Variants in ZNF888 observed in about 807,000 individuals in gnomAD.
The protein encoded by ZNF888 is zinc finger protein 888.
Under a neutral mutation model 7.2 loss-of-function variants are expected in ZNF888, and 5 were observed. The observed-to-expected ratio is 0.70, with a 90% CI of 0.36 to 1.46. The LOEUF (loss-of-function observed/expected upper bound fraction) is 1.46. Among genes scored for constraint, ZNF888 ranks in the 40% most tolerant of loss-of-function variants. ZNF888 has a pLI of 0.03. For missense variants in ZNF888, 716 were observed against 858.0 expected (o/e 0.83, Z 2.07); for synonymous variants, 240 against 284.3 (o/e 0.84, Z 1.57).
At chr19:52,912,259 A>G (rs867127542) in intron 4 of ZNF888, among the ~76,000 whole-genome samples, 1,890 of 146,334 alleles carry the variant, frequency 0.013, 53 homozygotes, top group African/African-American at 0.047. Context: ...GACTACAGGC[A>G]CCTGCCACCG....
intron 4 of ZNF888, 130 bp from the exon 5 acceptor site, chr19:52,908,309 C>T: frequency 2.3e-6 from 2 of 881,306 alleles, no homozygotes; most frequent in South Asian, 1.6e-5. Flanking sequence ...AGTTCAGGAA[C>T]ACAAAAGGAG....
In ZNF888 at chr19:52,917,865, A is replaced by T. The variant is rs1357999960; in HGVS notation, c.9T>A (p.Leu3=). Residue 3 remains leucine, a synonymous_variant, in exon 3 of 5, where the codon CTT becomes CTA. Coordinates refer to ENST00000638862, the MANE Select transcript of ZNF888 (RefSeq NM_001393938.1). ...ACAGAGAATATCATCTCACCTGAGG[A>T]AGAGCCATCCCTGACTCCTTTGCTT... MA[L]PQGLLTFRDV... 3.1e-6 allele frequency: 5 copies of T among 1,613,318 alleles called. No individual in the cohort carries two copies. Among genetic ancestry groups the T allele is most frequent in the Non-Finnish European group, 4.2e-6 (5 of 1,179,994 alleles).
Position 52,907,606 on chromosome 19 carries a change from T to C in ZNF888, c.716A>G (p.Glu239Gly), listed in dbSNP as rs1008133874. 6.2e-6 allele frequency: 10 copies of C among 1,603,530 alleles called. No individual in the cohort carries two copies. The highest frequency in any genetic ancestry group is 8.5e-6 in the Non-Finnish European group (10 of 1,176,108). Residue 239 changes from glutamate to glycine, a missense_variant, in exon 5 of 5, where the codon GAG (glutamate) becomes GGG (glycine). Physicochemically the swap from Glu to Gly is moderately conservative, Grantham distance 98. Around this residue, in one of 2 missense-constraint regions of ZNF888, gnomAD observed 697 missense variants for 803.4 expected, o/e 0.87. Coordinates refer to ENST00000638862, the MANE Select transcript of ZNF888 (RefSeq NM_001393938.1). ...ACATACATCACATTTATATTGTTTC[T>C]CTCCTAGATGAATTATCTGATGTTT... ...FKKHQIIHLG[E>G]KQYKCDVCGK... is the part of the protein sequence containing the mutation.
intron 1 of ZNF888, among the ~76,000 whole-genome samples, chr19:52,921,506 CT>C (rs777643589): frequency 1.1e-4 from 17 of 152,214 alleles, no homozygotes; most frequent in Admixed American, 7.2e-4. Context: ...AAGGGTTGGT[CT>C]TTATCACCCC....
At chr19:52,922,140 T>C (rs1411448073) in intron 1 of ZNF888, among the ~76,000 whole-genome samples, 4 of 151,828 alleles carry the variant, frequency 2.6e-5, no homozygotes, top group Admixed American at 6.6e-5. Flanking sequence ...CATGGTGAAA[T>C]CCTGTCTCTA....
Position 52,915,173 on chromosome 19 carries a change from C to T in ZNF888, c.142+23G>A. On this transcript the variant is annotated intron_variant, in intron 4 of 4. Coordinates refer to ENST00000638862, the MANE Select transcript of ZNF888 (RefSeq NM_001393938.1). ...ATGCAAAGATCCACAAGGGAACATC[C>T]CCAGGAAGGAAGTTATCCTCACCCA... 1.4e-6 allele frequency: 2 copies of T among 1,475,104 alleles called. 1 individual carries two copies. Among genetic ancestry groups the T allele is most frequent in the African/African-American group, 3.9e-5 (2 of 51,186 alleles). 91.4% of individuals were successfully genotyped at this position (1,475,104 alleles called of 1,614,324 possible).
In ZNF888 at chr19:52,917,777, A is replaced by G. The variant is rs1369948380; in HGVS notation, c.15+82T>C. 7 of 1,604,114 alleles carry G rather than the reference A, an allele frequency of 4.4e-6. No individual in the cohort carries two copies. In the South Asian group the frequency reaches 4.4e-5, roughly 10 times the overall value. On this transcript the variant is annotated intron_variant, in intron 3 of 4. Coordinates refer to ENST00000638862, the MANE Select transcript of ZNF888 (RefSeq NM_001393938.1). ...AAACCTGTCACGCAGGATGCTTCAG[A>G]CTCAGAGAAGTTTCCCAACTCCAAG...
At chr19:52,921,318 C>T (rs1357078924) in intron 1 of ZNF888, among the ~76,000 whole-genome samples, 1 of 152,192 alleles carries the variant, frequency 6.6e-6, no homozygotes, top group Non-Finnish European at 1.5e-5. Flanking sequence ...GGCTTTTGTC[C>T]TGGGGAACAC....
Position 52,908,138 on chromosome 19 carries a change from T to G in ZNF888, c.184A>C (p.Lys62Gln). Residue 62 changes from lysine to glutamine, a missense_variant, in exon 5 of 5, where the codon AAA becomes CAA. This residue lies in a region of ZNF888 where 697 missense variants were observed against 803.4 expected (regional missense o/e 0.87). Coordinates refer to ENST00000638862, the MANE Select transcript of ZNF888 (RefSeq NM_001393938.1). The stretch of plus-strand genomic sequence containing the variant: ...GTGTGGATCACTTCTGTATTGCCTT[T>G]CCCTATTGATGAGAACTCCATCATG... ...KCMMEFSSIGKGNTEVIHTGT... is the reference protein window; with the variant it reads ...KCMMEFSSIGQGNTEVIHTGT... The G allele has an allele frequency of 6.2e-7, 1 of 1,614,018 alleles. No homozygotes were observed. The highest frequency in any genetic ancestry group is 8.5e-7 in the Non-Finnish European group (1 of 1,179,976).
chr19:52,916,627 T>TATATATATATATATACAC (rs1431267956), intron 3 of ZNF888, among the ~76,000 whole-genome samples: 16 of 142,140 alleles, frequency 1.1e-4, no homozygotes, highest in African/African-American at 3.1e-4. Context: ...TATATATATA[T>TATATATATATATATACAC]ATATATATAT....
At chr19:52,917,485 A>C (rs771597434) in intron 3 of ZNF888, 18 of 578,600 alleles carry the variant, frequency 3.1e-5, no homozygotes, top group Non-Finnish European at 5.6e-5. Context: ...CTTTGTGCAC[A>C]TTAATATGTG....
At chr19:52,910,136 C>T (rs186820306) in intron 4 of ZNF888, among the ~76,000 whole-genome samples, 586 of 122,932 alleles carry the variant, frequency 4.8e-3, no homozygotes, top group Non-Finnish European at 7.7e-3. Flanking sequence ...GGGACTAGAG[C>T]GAGACTTCGT....
rs1029062258 is a variant in ZNF888, at chr19:52,907,055, A to C, written c.1267T>G (p.Ser423Ala). The C allele has an allele frequency of 6.2e-7, 1 of 1,609,768 alleles. No homozygotes were observed. Among genetic ancestry groups the C allele is most frequent in the Non-Finnish European group, 8.5e-7 (1 of 1,178,884 alleles). The change falls in exon 5 of 5, where the codon TCA becomes GCA. Residue 423 changes from serine to alanine, a missense_variant. Around this residue, in one of 2 missense-constraint regions of ZNF888, gnomAD observed 697 missense variants for 803.4 expected, o/e 0.87. Coordinates refer to ENST00000638862, the MANE Select transcript of ZNF888 (RefSeq NM_001393938.1). ...NECGKTFGEN[S>A]ALLVHKTIHT... is the part of the protein sequence containing the mutation. ...ATTGTCTTGTGAACTAAGAGGGCTG[A>C]ATTTTCACCAAACGTTTTGCCACAC...
At chr19:52,921,562 G>T in intron 1 of ZNF888, 2 of 753,314 alleles carry the variant, frequency 2.7e-6, no homozygotes, top group East Asian at 1.3e-4. Flanking sequence ...CTGGGCTAAA[G>T]AAACTTCTTT....
chr19:52,921,604 T>C (rs965654522), intron 1 of ZNF888: 4 of 943,230 alleles, frequency 4.2e-6, no homozygotes. Flanking sequence ...ATTCCTAACA[T>C]TTAATTTTTC....
intron 2 of ZNF888, 26 bp from the exon 3 acceptor site, chr19:52,917,957 G>C: frequency 6.2e-7 from 1 of 1,603,172 alleles, no homozygotes; most frequent in Non-Finnish European, 8.5e-7. Flanking sequence ...ATGAATGTTA[G>C]AAATATGTTG....
At position 52,907,768 on chromosome 19, in the gene ZNF888, G is replaced by A; in HGVS notation, c.554C>T (p.Thr185Ile). ...ATTCCCATAGTTATTAGAAATATGG[G>A]TTTTGGGCCTACAAGAAATTCTTTG... The part of the protein sequence containing the change: ...TSQRISCRPK[T>I]HISNNYGNNF... Residue 185 changes from threonine (T) to isoleucine (I), a missense_variant, in exon 5 of 5, where the codon ACC becomes ATC. Physicochemically the swap from Thr to Ile is moderately conservative, Grantham distance 89 (BLOSUM62 -1). Coordinates refer to ENST00000638862, the MANE Select transcript of ZNF888 (RefSeq NM_001393938.1). 6.2e-7 allele frequency: 1 copy of A among 1,614,136 alleles called. No individual in the cohort carries two copies. The highest frequency in any genetic ancestry group is 8.5e-7 in the Non-Finnish European group (1 of 1,180,026).
At position 52,907,463 on chromosome 19, in the gene ZNF888, G is replaced by T; in HGVS notation, c.859C>A (p.Arg287Ser). The part of the protein sequence containing the change: ...KVFNKKAYLA[R>S]HYRRHTGEKP... Reference sequence around the variant, plus strand: ...TCTCCAGTATGACGTCTATAATGACGTGCAAGGTATGCTTTTTTATTAAAA... The same window carrying T: ...TCTCCAGTATGACGTCTATAATGACTTGCAAGGTATGCTTTTTTATTAAAA... The change falls in exon 5 of 5, where the codon CGT (arginine) becomes AGT (serine). Residue 287 changes from arginine to serine, a missense_variant. By Grantham distance (110) the Arg-to-Ser change is moderately radical. Transcript: ENST00000638862. 1.9e-6 allele frequency: 3 copies of T among 1,605,440 alleles called. No homozygotes were observed. The highest frequency in any genetic ancestry group is 2.2e-5 in the East Asian group (1 of 44,810).
chr19:52,922,928 C>T (rs1023537691), intron 1 of ZNF888, among the ~76,000 whole-genome samples: 1 of 151,880 alleles, frequency 6.6e-6, no homozygotes, highest in African/African-American at 2.4e-5. Flanking sequence ...GGGGAGATGA[C>T]GCCTTCGGAC....
Sources: allele counts gnomAD v4.1 joint callset (sites outside exome capture counted in the v4.1 genomes callset), GRCh38; gene constraint gnomAD v4.1.1; regional missense constraint gnomAD v4.1.1; transcripts MANE v1.5; gene names NCBI Gene and HGNC (gene_info 2026-07-23, HGNC 2026-07-21).